ALK: variants seen among roughly 807,000 people sequenced by gnomAD.
The protein encoded by ALK is ALK tyrosine kinase receptor.
A neutral mutation model predicts 163.1 loss-of-function variants in ALK; 74 were observed. The ratio of observed to expected loss-of-function variants is 0.45; its 90% CI spans 0.38 to 0.55. ALK has a LOEUF of 0.55. Ranked by LOEUF, ALK falls within the 20% of genes least tolerant of loss-of-function variation. ALK has a pLI of 0.00. For synonymous variants in ALK, 960 were observed against 843.2 expected (o/e 1.14, Z -2.40); for missense variants, 2,063 against 2,105.3 (o/e 0.98, Z 0.39).
At chr2:29,654,989 A>G (rs1488409338) in intron 3 of ALK, among the ~76,000 whole-genome samples, 1 of 152,178 alleles carries the variant, frequency 6.6e-6, no homozygotes, top group African/African-American at 2.4e-5. Flanking sequence ...GGCTAAGAAA[A>G]CAAGTTCTTT....
At chr2:29,225,621 G>C in intron 18 of ALK, 56 bp from the exon 19 acceptor site, 2 of 1,471,386 alleles carry the variant, frequency 1.4e-6, no homozygotes, top group South Asian at 1.2e-5. Flanking sequence ...CCTTTGAGTT[G>C]GTCCCAAGTC....
chr2:29,472,333 C>G (rs906177613), intron 4 of ALK, among the ~76,000 whole-genome samples: 2 of 152,178 alleles, frequency 1.3e-5, no homozygotes, highest in Admixed American at 6.5e-5. Flanking sequence ...TCTAAATTCC[C>G]AATCCACAAA....
intron 1 of ALK, among the ~76,000 whole-genome samples, chr2:29,882,030 C>A (rs1666882442): frequency 6.6e-6 from 1 of 152,122 alleles, no homozygotes; most frequent in Admixed American, 6.5e-5. Context: ...GACCCACACA[C>A]ACACATCACA....
chr2:29,653,001 A>T (rs1219165700), intron 3 of ALK, among the ~76,000 whole-genome samples: 1 of 152,160 alleles, frequency 6.6e-6, no homozygotes, highest in Non-Finnish European at 1.5e-5. Flanking sequence ...GGTCAGGCAG[A>T]GGTTCCTAAG....
chr2:29,229,718 C>T (rs554329617), intron 15 of ALK, among the ~76,000 whole-genome samples: 1 of 152,282 alleles, frequency 6.6e-6, no homozygotes. Flanking sequence ...AAATGCTCCA[C>T]AAACTGCCAG....
intron 1 of ALK, among the ~76,000 whole-genome samples, chr2:29,843,217 C>T (rs553738029): frequency 1.1e-4 from 16 of 151,792 alleles, no homozygotes; most frequent in Non-Finnish European, 2.1e-4. Flanking sequence ...GTCTCGGTGC[C>T]CCACTACCAT....
intron 1 of ALK, among the ~76,000 whole-genome samples, chr2:29,891,609 A>G (rs79281717): frequency 3.2e-3 from 494 of 152,334 alleles, no homozygotes; most frequent in Non-Finnish European, 5.7e-3. Flanking sequence ...AGAACATTTT[A>G]TAGTTCTGGG....
intron 1 of ALK, among the ~76,000 whole-genome samples, chr2:29,758,532 G>T (rs1323871204): frequency 1.3e-5 from 2 of 152,262 alleles, no homozygotes; most frequent in African/African-American, 4.8e-5. Context: ...AACAGGATTT[G>T]TACCTTGTAG....
At chr2:29,877,539 A>G (rs1484679141) in intron 1 of ALK, among the ~76,000 whole-genome samples, 1 of 152,222 alleles carries the variant, frequency 6.6e-6, no homozygotes, top group Non-Finnish European at 1.5e-5. Context: ...CCTAGCGCCT[A>G]GACCATGCCT....
chr2:29,264,345 G>A (rs191023970), intron 11 of ALK, among the ~76,000 whole-genome samples: 8 of 152,326 alleles, frequency 5.3e-5, no homozygotes, highest in Admixed American at 2.6e-4. Context: ...CTGCTCCCAC[G>A]TCCTTGAAGG....
intron 1 of ALK, among the ~76,000 whole-genome samples, chr2:29,812,222 C>G (rs1664776683): frequency 1.3e-5 from 2 of 152,230 alleles, no homozygotes; most frequent in Admixed American, 1.3e-4. Flanking sequence ...CACACAGCAT[C>G]TAAGCCTGCC....
chr2:29,717,462 A>G (rs1336854226), intron 2 of ALK, 116 bp downstream of exon 2: 2 of 1,274,010 alleles, frequency 1.6e-6, no homozygotes, highest in African/African-American at 1.5e-5. Context: ...CTTCTTTTGC[A>G]TATAGGGAGC....
chr2:29,272,185 G>GGAGGGAGAGAGAGATAGAGAGA (rs1553402255), intron 11 of ALK, among the ~76,000 whole-genome samples: 1 of 145,154 alleles, frequency 6.9e-6, no homozygotes, highest in Non-Finnish European at 1.5e-5. Context: ...GTCGGGTGAG[G>GGAGGGAGAGAGAGATAGAGAGA]GAGAGAGAGA....
At chr2:29,444,600 G>T (rs894026413) in intron 4 of ALK, among the ~76,000 whole-genome samples, 1 of 152,032 alleles carries the variant, frequency 6.6e-6, no homozygotes, top group Non-Finnish European at 1.5e-5. Flanking sequence ...TAAAAATTCT[G>T]TTTTACAATT....
chr2:29,566,827 G>A (rs903872027), intron 3 of ALK, among the ~76,000 whole-genome samples: 8 of 152,018 alleles, frequency 5.3e-5, no homozygotes, highest in Non-Finnish European at 1.2e-4. Flanking sequence ...TTAATGACCT[G>A]GGAGATGATC....
chr2:29,490,902 A>C (rs1012081593), intron 4 of ALK, among the ~76,000 whole-genome samples: 2 of 152,170 alleles, frequency 1.3e-5, no homozygotes, highest in African/African-American at 4.8e-5. Context: ...CTGTCATGTG[A>C]TTTCTATTAC....
chr2:29,893,965 C>T (rs993726023), intron 1 of ALK, among the ~76,000 whole-genome samples: 5 of 152,110 alleles, frequency 3.3e-5, no homozygotes, highest in Non-Finnish European at 7.4e-5. Context: ...TCTACAAAAA[C>T]CCTTAGCAGA....
intron 4 of ALK, among the ~76,000 whole-genome samples, chr2:29,451,274 CAT>C (rs1367746721): frequency 6.6e-6 from 1 of 152,150 alleles, no homozygotes; most frequent in African/African-American, 2.4e-5. Flanking sequence ...TCTCCCCAGC[CAT>C]CATCCACTTC....
intron 4 of ALK, among the ~76,000 whole-genome samples, chr2:29,451,838 A>C (rs1366387884): frequency 1.3e-5 from 2 of 152,204 alleles, no homozygotes; most frequent in African/African-American, 4.8e-5. Context: ...TGACCTCCAG[A>C]AAACACACGC....
Sources: allele counts gnomAD v4.1 joint callset (sites outside exome capture counted in the v4.1 genomes callset), GRCh38; gene constraint gnomAD v4.1.1; transcripts MANE v1.5; gene names NCBI Gene and HGNC (gene_info 2026-07-23, HGNC 2026-07-21).